The following CDK6 variants were observed in gnomAD, a reference collection of about 807,000 sequenced individuals.
CDK6 encodes the protein cyclin dependent kinase 6, also known as cyclin-dependent kinase 6.
CDK6 carries 6 observed loss-of-function variants against 37.1 expected under a neutral mutation model. The ratio of observed to expected loss-of-function variants is 0.16; its 90% CI spans 0.09 to 0.32. The LOEUF (loss-of-function observed/expected upper bound fraction) is 0.32. Among genes scored for constraint, CDK6 ranks in the 10% least tolerant of loss-of-function variants. The pLI is 1.00. For synonymous variants in CDK6, 160 were observed against 161.3 expected (o/e 0.99, Z 0.06); for missense variants, 224 against 418.9 (o/e 0.53, Z 4.06).
chr7:92,650,660 T>G (rs571393820), intron 5 of CDK6, among the ~76,000 whole-genome samples: 1 of 152,304 alleles, frequency 6.6e-6, no homozygotes, highest in East Asian at 1.9e-4. Context: ...GGGCTAAATC[T>G]GCTTCCAATC....
intron 4 of CDK6, among the ~76,000 whole-genome samples, chr7:92,713,997 TACTCTATAAAC>T (rs1798162193): frequency 6.6e-6 from 1 of 152,198 alleles, no homozygotes; most frequent in African/African-American, 2.4e-5. Flanking sequence ...CACCCACATA[TACTCTATAAAC>T]ACTCACTGAG....
At chr7:92,826,175 A>C (rs958486108) in intron 2 of CDK6, among the ~76,000 whole-genome samples, 7 of 152,146 alleles carry the variant, frequency 4.6e-5, no homozygotes, top group African/African-American at 1.7e-4. Flanking sequence ...CAATGGATAC[A>C]GGATATAAAC....
intron 4 of CDK6, among the ~76,000 whole-genome samples, chr7:92,724,145 C>A (rs1798454131): frequency 6.6e-6 from 1 of 152,096 alleles, no homozygotes; most frequent in African/African-American, 2.4e-5. Context: ...ACATGCGCAA[C>A]AACTTCCTAG....
chr7:92,712,806 G>A (rs1212928587), intron 4 of CDK6, among the ~76,000 whole-genome samples: 3 of 151,970 alleles, frequency 2.0e-5, no homozygotes, highest in Non-Finnish European at 4.4e-5. Context: ...AAGAACATGT[G>A]AGTTTCTCTC....
At chr7:92,654,180 G>T (rs868414459) in intron 5 of CDK6, among the ~76,000 whole-genome samples, 1 of 145,870 alleles carries the variant, frequency 6.9e-6, no homozygotes. Flanking sequence ...ATTTTAGAGT[G>T]TTCAATTCTT....
At chr7:92,625,233 C>T (rs1032775845) in intron 5 of CDK6, among the ~76,000 whole-genome samples, 2 of 151,222 alleles carry the variant, frequency 1.3e-5, no homozygotes, top group Admixed American at 6.6e-5. Flanking sequence ...CACACACACA[C>T]ACACACACAC....
chr7:92,782,198 G>A (rs1361471061), intron 2 of CDK6, among the ~76,000 whole-genome samples: 1 of 152,102 alleles, frequency 6.6e-6, no homozygotes, highest in African/African-American at 2.4e-5. Flanking sequence ...AGACTTACAA[G>A]TAAAAATGCA....
At chr7:92,816,419 A>G (rs1365589052) in intron 2 of CDK6, among the ~76,000 whole-genome samples, 1 of 152,210 alleles carries the variant, frequency 6.6e-6, no homozygotes, top group Non-Finnish European at 1.5e-5. Context: ...GTTGGACCAA[A>G]GCAAGTGTTA....
At position 92,671,430 on chromosome 7, in the gene CDK6, T is replaced by C. The variant is rs1322062789; in HGVS notation, c.643A>G (p.Arg215Gly). 6.5e-7 allele frequency: 1 copy of C among 1,549,978 alleles called. No homozygotes were observed. The highest frequency in any genetic ancestry group is 8.7e-7 in the Non-Finnish European group (1 of 1,147,326). ...GAAACAAAATGTATTTCTTACTTTC[T>C]ACGAAACATTTCTGCAAATATGCAG... ...VGCIFAEMFRRKPLFRGSSDV... is the reference protein window; with the variant it reads ...VGCIFAEMFRGKPLFRGSSDV... The change falls in exon 5 of 8, where the codon AGA becomes GGA. Residue 215 changes from arginine (R) to glycine (G), a missense_variant. By Grantham distance (125) the Arg-to-Gly change is moderately radical. This residue lies in a region of CDK6 where 90 missense variants were observed against 136.2 expected (regional missense o/e 0.66). Transcript: ENST00000424848.
intron 2 of CDK6, among the ~76,000 whole-genome samples, chr7:92,825,132 C>A (rs917310018): frequency 2.6e-5 from 4 of 152,026 alleles, no homozygotes; most frequent in African/African-American, 7.2e-5. Flanking sequence ...GACCACATAC[C>A]ATTTTTTGGG....
chr7:92,746,318 C>A (rs1434898047), intron 3 of CDK6, among the ~76,000 whole-genome samples: 1 of 152,156 alleles, frequency 6.6e-6, no homozygotes, highest in Non-Finnish European at 1.5e-5. Flanking sequence ...TTAAAAGATA[C>A]TTCCAGATTA....
Position 92,811,799 on chromosome 7 carries a change from C to T in CDK6, c.233+21292G>A, listed in dbSNP as rs564929083. On this transcript the variant is annotated intron_variant, in intron 2 of 7. Coordinates refer to ENST00000424848, the MANE Select transcript of CDK6 (RefSeq NM_001145306.2). The stretch of plus-strand genomic sequence containing the variant: ...CCAATCCTATTAACAAAACCACCCC[C>T]CTACAAAATATTCTGAAGGAGAGGA... Among the ~76,000 whole-genome samples, 6 of 152,204 alleles carry T rather than the reference C, an allele frequency of 3.9e-5. No homozygotes were observed. The South Asian group carries it at 1.0e-3, about 26-fold the overall frequency.
intron 3 of CDK6, among the ~76,000 whole-genome samples, chr7:92,737,206 A>G (rs879533390): frequency 5.3e-5 from 8 of 152,208 alleles, no homozygotes; most frequent in Non-Finnish European, 8.8e-5. Flanking sequence ...TGATAATACT[A>G]TAAGTTCAGA....
intron 4 of CDK6, among the ~76,000 whole-genome samples, chr7:92,696,663 C>T (rs1797724588): frequency 6.6e-6 from 1 of 152,174 alleles, no homozygotes; most frequent in South Asian, 2.1e-4. Flanking sequence ...CTAGAACAAA[C>T]GCTTTGGTCT....
chr7:92,797,069 A>G (rs950626316), intron 2 of CDK6, among the ~76,000 whole-genome samples: 1 of 152,190 alleles, frequency 6.6e-6, no homozygotes, highest in Non-Finnish European at 1.5e-5. Context: ...GTACTTTTAC[A>G]AAAAGTATGT....
At chr7:92,636,706 C>T (rs1390658769) in intron 5 of CDK6, among the ~76,000 whole-genome samples, 1 of 152,148 alleles carries the variant, frequency 6.6e-6, no homozygotes, top group African/African-American at 2.4e-5. Flanking sequence ...AGACGGAGTG[C>T]CCAGGCTGGA....
chr7:92,647,129 A>T (rs1286081144), intron 5 of CDK6, among the ~76,000 whole-genome samples: 1 of 152,188 alleles, frequency 6.6e-6, no homozygotes, highest in Admixed American at 6.5e-5. Context: ...TTTATTCATT[A>T]TTCATTTACT....
At chr7:92,699,203 A>G (rs899057374) in intron 4 of CDK6, among the ~76,000 whole-genome samples, 1 of 152,216 alleles carries the variant, frequency 6.6e-6, no homozygotes, top group Non-Finnish European at 1.5e-5. Flanking sequence ...AGAGAGACAG[A>G]AAGCTTTCAC....
chr7:92,612,871 G>A lies in CDK6; in HGVS notation c.*2269C>T, dbSNP rs1795593251. The A allele has an allele frequency of 4.3e-6, 1 of 233,016 alleles. No individual in the cohort carries two copies. Among genetic ancestry groups the A allele is most frequent in the African/African-American group, 2.2e-5 (1 of 45,348 alleles). The allele number at this position is 233,016 out of a possible 1,614,324, so 14.4% of individuals were successfully genotyped here. ...CAAAAAGCTCAGATGAATCAGTGCA[G>A]TGAGTTTTTAAATTCAATTTGTAGG... On this transcript the variant is annotated 3_prime_UTR_variant, in exon 8 of 8. Transcript: ENST00000424848.
Sources: gnomAD v4.1 joint callset for allele counts (sites outside exome capture counted in the v4.1 genomes callset) on GRCh38, gnomAD v4.1.1 for gene constraint, gnomAD v4.1.1 regional missense constraint, MANE v1.5 for transcripts, NCBI Gene and HGNC (gene_info 2026-07-23, HGNC 2026-07-21) for gene names.